Variants in TRIM58 observed in about 807,000 individuals in gnomAD.
The protein encoded by TRIM58 is E3 ubiquitin-protein ligase TRIM58.
Under a neutral mutation model 34.1 loss-of-function variants are expected in TRIM58, and 38 were observed. The observed-to-expected ratio is 1.12, with a 90% CI of 0.86 to 1.46. TRIM58 has a LOEUF of 1.46. TRIM58 is among the 40% of genes most tolerant of loss of function. The pLI is 0.00. For missense variants in TRIM58, 677 were observed against 642.0 expected (o/e 1.05, Z -0.59); for synonymous variants, 273 against 275.7 (o/e 0.99, Z 0.10).
At chr1:247,870,334 A>G (rs1364531871) in intron 5 of TRIM58, among the ~76,000 whole-genome samples, 1 of 151,208 alleles carries the variant, frequency 6.6e-6, no homozygotes, top group Non-Finnish European at 1.5e-5. Context: ...TAGAGCCTGC[A>G]CCACCATGCC....
At chr1:247,874,391 A>G (rs1168204932) in intron 5 of TRIM58, among the ~76,000 whole-genome samples, 1 of 152,158 alleles carries the variant, frequency 6.6e-6, no homozygotes, top group Non-Finnish European at 1.5e-5. Flanking sequence ...GTGGGATGGC[A>G]CTAAGTCATT....
In TRIM58 at chr1:247,876,257, G is replaced by T. The variant is rs1477567908; in HGVS notation, c.1229G>T (p.Cys410Phe). 3 of 1,614,082 alleles carry T rather than the reference G, an allele frequency of 1.9e-6. No homozygotes were observed. The highest frequency in any genetic ancestry group is 3.3e-5 in the Admixed American group (2 of 60,010). Residue 410 changes from cysteine to phenylalanine, a missense_variant, in exon 6 of 6, where the codon TGC becomes TTC. Physicochemically the swap from Cys to Phe is radical, Grantham distance 205. Transcript: ENST00000366481. ...CTTCTCCAACTGGAAAGTCCTCGCT[G>T]CATTGGGATTTTCTTGGACTATGAA... The part of the protein sequence containing the change: ...VPLLQLESPR[C>F]IGIFLDYEAG...
intron 5 of TRIM58, among the ~76,000 whole-genome samples, chr1:247,873,746 T>C (rs1016636876): frequency 2.0e-5 from 3 of 152,052 alleles, no homozygotes; most frequent in Non-Finnish European, 4.4e-5. Context: ...GGCGGATGGA[T>C]TGCTTGAACC....
intron 2 of TRIM58, among the ~76,000 whole-genome samples, chr1:247,861,158 A>C (rs534371974): frequency 2.0e-5 from 3 of 152,252 alleles, no homozygotes; most frequent in African/African-American, 7.2e-5. Context: ...ATCTATACAT[A>C]CACATATTCC....
chr1:247,858,606 C>G (rs1371064396), intron 1 of TRIM58, among the ~76,000 whole-genome samples: 1 of 151,990 alleles, frequency 6.6e-6, no homozygotes, highest in Non-Finnish European at 1.5e-5. Context: ...CCCCTTCCTT[C>G]TCTACCAATA....
At chr1:247,862,663 A>G (rs1663820102) in intron 2 of TRIM58, among the ~76,000 whole-genome samples, 1 of 152,192 alleles carries the variant, frequency 6.6e-6, no homozygotes, top group South Asian at 2.1e-4. Context: ...GAGTTCCTGC[A>G]TGTTTTAAGC....
rs1445827833 is a variant in TRIM58 at position 247,879,632 on chromosome 1, T to C, written c.*3143T>C. Among the ~76,000 whole-genome samples, 5 of 150,060 alleles carry C rather than the reference T, an allele frequency of 3.3e-5. No individual in the cohort carries two copies. Among genetic ancestry groups the C allele is most frequent in the Admixed American group, 3.3e-4 (5 of 15,066 alleles). On this transcript the variant is annotated 3_prime_UTR_variant, in exon 6 of 6. Coordinates refer to ENST00000366481, the MANE Select transcript of TRIM58 (RefSeq NM_015431.4). Reference sequence around the variant, plus strand: ...AACCCCCATCCCTCCTCTGATTATCTCTCCCACCCCCACTTCCCTTTGCAT... The same window carrying C: ...AACCCCCATCCCTCCTCTGATTATCCCTCCCACCCCCACTTCCCTTTGCAT...
At position 247,861,906 on chromosome 1, in the gene TRIM58, C is replaced by T. The variant is rs888584419; in HGVS notation, c.516+1194C>T. ...TGGGAAGCCGAAGCAGGTGGATCAC[C>T]TGAGGTCAGGAGTTCGAGACCAGCC... On this transcript the variant is annotated intron_variant, in intron 2 of 5. Transcript: ENST00000366481. 8.6e-5 allele frequency among the ~76,000 whole-genome samples: 13 copies of T among 151,910 alleles called. No homozygotes were observed. In the South Asian group the frequency reaches 2.7e-3, roughly 32 times the overall value.
In TRIM58 at chr1:247,864,686, A is replaced by T; in HGVS notation, c.517-19A>T. The T allele has an allele frequency of 6.2e-7, 1 of 1,612,816 alleles. No homozygotes were observed. The highest frequency in any genetic ancestry group is 1.1e-5 in the South Asian group (1 of 90,736). On this transcript the variant is annotated intron_variant, in intron 2 of 5. Transcript: ENST00000366481. ...CTGGAGGCCAAGCACTGACGATGTG[A>T]TCCACGGTGTCACCTCAGGAGAAAG...
At chr1:247,867,644 G>A (rs1004507418) in intron 3 of TRIM58, among the ~76,000 whole-genome samples, 4 of 152,054 alleles carry the variant, frequency 2.6e-5, no homozygotes, top group African/African-American at 7.2e-5. Flanking sequence ...CCGAGATTGC[G>A]CCATTGCACT....
chr1:247,865,272 A>G (rs1663894264), intron 3 of TRIM58, among the ~76,000 whole-genome samples: 1 of 152,182 alleles, frequency 6.6e-6, no homozygotes, highest in Admixed American at 6.5e-5. Context: ...TCAAAAAACA[A>G]ACAAACAGCA....
chr1:247,864,722 G>C lies in TRIM58; in HGVS notation c.534G>C (p.Gln178His). 1 of 1,614,178 alleles carries C rather than the reference G, an allele frequency of 6.2e-7. No homozygotes were observed. The highest frequency in any genetic ancestry group is 8.5e-7 in the Non-Finnish European group (1 of 1,180,040). Residue 178 changes from glutamine (Q) to histidine (H), a missense_variant, in exon 3 of 6, where the codon CAG (glutamine) becomes CAC (histidine). By Grantham distance (24) the Gln-to-His change is conservative. Transcript: ENST00000366481. ...TVIWKEKVEM[Q>H]RQRFRLEFEK... ...CACCTCAGGAGAAAGTGGAAATGCA[G>C]AGGCAGCGCTTCAGATTGGAGTTTG...
Position 247,857,673 on chromosome 1 carries a change from C to T in TRIM58, c.420+7C>T. ...GGCCGCCGGCAGCTACCAGGTGAGG[C>T]GCCCCCCGGCGGGGGCTGCGGGCGC... On this transcript the variant is annotated splice_region_variant and intron_variant, in intron 1 of 5. Coordinates refer to ENST00000366481, the MANE Select transcript of TRIM58 (RefSeq NM_015431.4). 1.6e-6 allele frequency: 2 copies of T among 1,225,004 alleles called. No homozygotes were observed. Among genetic ancestry groups the T allele is most frequent in the Non-Finnish European group, 2.0e-6 (2 of 983,504 alleles). 75.9% of individuals were successfully genotyped at this position (1,225,004 alleles called of 1,614,324 possible).
intron 5 of TRIM58, among the ~76,000 whole-genome samples, chr1:247,874,973 ACT>A (rs544003511): frequency 3.3e-4 from 50 of 152,108 alleles, no homozygotes; most frequent in Non-Finnish European, 4.9e-4. Context: ...TCTGGAGATC[ACT>A]CTCAGCTCTA....
rs1659282931 is a variant in TRIM58, at chr1:247,876,237, C to G, written c.1209C>G (p.Leu403=). 1 of 1,614,220 alleles carries G rather than the reference C, an allele frequency of 6.2e-7. No homozygotes were observed. Among genetic ancestry groups the G allele is most frequent in the Non-Finnish European group, 8.5e-7 (1 of 1,180,042 alleles). ...MVLASPSVPL[L]QLESPRCIGI... is the part of the protein sequence containing the mutation. ...TTGCCTCCCCATCAGTGCCTCTTCT[C>G]CAACTGGAAAGTCCTCGCTGCATTG... Residue 403 remains leucine, a synonymous_variant, in exon 6 of 6, where the codon CTC becomes CTG. Transcript: ENST00000366481.
Position 247,876,212 on chromosome 1 carries a change from T to A in TRIM58, c.1184T>A (p.Leu395His). Residue 395 changes from leucine (L) to histidine (H), a missense_variant, in exon 6 of 6, where the codon CTT becomes CAT. Coordinates refer to ENST00000366481, the MANE Select transcript of TRIM58 (RefSeq NM_015431.4). ...CTGAAAGGGAATGAGTACATGGTCC[T>A]TGCCTCCCCATCAGTGCCTCTTCTC... is the stretch of plus-strand genomic sequence containing the variant. ...WLLKGNEYMV[L>H]ASPSVPLLQL... is the part of the protein sequence containing the mutation. 1.2e-6 allele frequency: 2 copies of A among 1,614,238 alleles called. No individual in the cohort carries two copies. Among genetic ancestry groups the A allele is most frequent in the Non-Finnish European group, 1.7e-6 (2 of 1,180,038 alleles).
At chr1:247,866,354 T>C (rs1663926046) in intron 3 of TRIM58, among the ~76,000 whole-genome samples, 1 of 151,864 alleles carries the variant, frequency 6.6e-6, no homozygotes, top group Non-Finnish European at 1.5e-5. Context: ...TTTTTTTTTT[T>C]GCGTTTTTAC....
rs775690605 is a variant in TRIM58, at chr1:247,876,350, C to T, written c.1322C>T (p.Ser441Phe). The change falls in exon 6 of 6, where the codon TCT becomes TTT. Residue 441 changes from serine to phenylalanine, a missense_variant. By Grantham distance (155) the Ser-to-Phe change is radical (BLOSUM62 -2). Transcript: ENST00000366481. ...SYIYTFNQLF[S>F]GLLRPYFFIC... is the part of the protein sequence containing the mutation. ...ATCTACACATTCAACCAACTCTTCT[C>T]TGGTCTTCTTCGGCCTTACTTTTTC... The T allele has an allele frequency of 1.5e-5, 25 of 1,614,076 alleles. No homozygotes were observed. The South Asian group carries it at 2.6e-4, about 17-fold the overall frequency.
Position 247,857,674 on chromosome 1 carries a change from G to A in TRIM58, c.420+8G>A. 1 of 1,224,868 alleles carries A rather than the reference G, an allele frequency of 8.2e-7. No homozygotes were observed. The highest frequency in any genetic ancestry group is 1.0e-6 in the Non-Finnish European group (1 of 983,448). 75.9% of individuals were successfully genotyped at this position (1,224,868 alleles called of 1,614,324 possible). On this transcript the variant is annotated splice_region_variant and intron_variant, in intron 1 of 5. Transcript: ENST00000366481. ...GCCGCCGGCAGCTACCAGGTGAGGC[G>A]CCCCCCGGCGGGGGCTGCGGGCGCT...
Sources: allele counts gnomAD v4.1 joint callset (sites outside exome capture counted in the v4.1 genomes callset), GRCh38; gene constraint gnomAD v4.1.1; transcripts MANE v1.5; gene names NCBI Gene and HGNC (gene_info 2026-07-23, HGNC 2026-07-21).